Variants in ABI3BP observed in about 807,000 individuals in gnomAD.
ABI3BP encodes ABI family member 3 binding protein, also known as target of Nesh-SH3.
In ABI3BP, 216 loss-of-function variants were observed where a neutral mutation model predicts 268.6. That is an observed-to-expected ratio of 0.80 (90% confidence interval 0.72 to 0.90). The LOEUF (loss-of-function observed/expected upper bound fraction) is 0.90. ABI3BP is among the 40% of genes least tolerant of loss of function. ABI3BP has a pLI of 0.00. For missense variants in ABI3BP, 2,090 were observed against 2,182.4 expected (o/e 0.96, Z 0.84); for synonymous variants, 730 against 730.0 (o/e 1.00, Z 0.00).
chr3:100,785,736 C>T (rs1342376456), intron 57 of ABI3BP, among the ~76,000 whole-genome samples: 9 of 152,162 alleles, frequency 5.9e-5, no homozygotes, highest in Non-Finnish European at 1.2e-4. Context: ...CTTAACCACT[C>T]GGCCACAACT....
intron 1 of ABI3BP, among the ~76,000 whole-genome samples, chr3:100,968,577 G>A (rs186362191): frequency 1.3e-5 from 2 of 151,222 alleles, no homozygotes; most frequent in East Asian, 3.9e-4. Context: ...TCTGTATCTT[G>A]GTCTGTATCT....
intron 18 of ABI3BP, 82 bp from the exon 19 acceptor site, chr3:100,847,755 T>C: frequency 8.6e-7 from 1 of 1,161,422 alleles, no homozygotes; most frequent in South Asian, 1.3e-5. Flanking sequence ...AAATGATCCA[T>C]TTAAAATCCT....
intron 49 of ABI3BP, among the ~76,000 whole-genome samples, chr3:100,808,539 CCTT>C (rs2097771986): frequency 6.6e-6 from 1 of 151,918 alleles, no homozygotes; most frequent in Admixed American, 6.6e-5. Flanking sequence ...AAGAATTCAT[CCTT>C]ATTATAAGTT....
At position 100,768,331 on chromosome 3, in the gene ABI3BP, G is replaced by A. The variant is rs376054281; in HGVS notation, c.4742-2382C>T. ...TCTTGATCTCCTGACCTCGTAATCC[G>A]CCCACCTCAGCCTCCCAGAGTGCTG... is the stretch of plus-strand genomic sequence containing the variant. On this transcript the variant is annotated intron_variant, in intron 62 of 67. Coordinates refer to ENST00000471714, the MANE Select transcript of ABI3BP (RefSeq NM_001375547.2). Among the ~76,000 whole-genome samples the A allele has an allele frequency of 7.2e-5, 11 of 151,856 alleles. No homozygotes were observed. The South Asian group carries it at 1.7e-3, about 23-fold the overall frequency.
chr3:100,823,534 A>C lies in ABI3BP; in HGVS notation c.2747-20T>G, dbSNP rs777607977. On this transcript the variant is annotated intron_variant, in intron 36 of 67. Transcript: ENST00000471714. ...CAGGAACTGACCAAAACAACATGTA[A>C]ATCAAAGAGATTTTTAAACATATGA... is the stretch of plus-strand genomic sequence containing the variant. 5.3e-6 allele frequency: 8 copies of C among 1,519,326 alleles called. No individual in the cohort carries two copies. The South Asian group carries it at 7.4e-5, about 14-fold the overall frequency. 94.1% of individuals were successfully genotyped at this position (1,519,326 alleles called of 1,614,324 possible).
chr3:100,771,761 T>C (rs1014807810), intron 61 of ABI3BP, among the ~76,000 whole-genome samples: 2 of 152,134 alleles, frequency 1.3e-5, no homozygotes, highest in South Asian at 2.1e-4. Context: ...CACTGAGCTG[T>C]GTGGACCATT....
intron 9 of ABI3BP, 42 bp downstream of exon 9, chr3:100,874,799 C>G: frequency 8.4e-7 from 1 of 1,190,322 alleles, no homozygotes. Context: ...AGTGCTAGTA[C>G]TCAGTTACTG....
intron 2 of ABI3BP, among the ~76,000 whole-genome samples, chr3:100,915,189 G>T (rs1309721533): frequency 1.3e-5 from 2 of 152,188 alleles, no homozygotes; most frequent in East Asian, 1.9e-4. Flanking sequence ...GCAGTTCCAG[G>T]ATCAAGATCA....
At chr3:100,907,714 T>C (rs1221525644) in intron 2 of ABI3BP, among the ~76,000 whole-genome samples, 3 of 151,986 alleles carry the variant, frequency 2.0e-5, no homozygotes, top group Non-Finnish European at 2.9e-5. Flanking sequence ...TAAATATCGA[T>C]GCAAAAAAAC....
In ABI3BP at chr3:100,795,759, T is replaced by C. The variant is rs2097328300; in HGVS notation, c.3865+45A>G. 3.2e-6 allele frequency: 4 copies of C among 1,249,102 alleles called. No homozygotes were observed. In the African/African-American group the frequency reaches 4.7e-5, roughly 15 times the overall value. The allele number at this position is 1,249,102 out of a possible 1,614,324, so 77.4% of individuals were successfully genotyped here. On this transcript the variant is annotated intron_variant, in intron 53 of 67. Transcript: ENST00000471714. ...ATTTGAGAAAGGCCTGCAATCTTGATGGTAGCAAAGAAAACAGAGTTGGTC... is the reference window on the plus strand; with the variant it reads ...ATTTGAGAAAGGCCTGCAATCTTGACGGTAGCAAAGAAAACAGAGTTGGTC...
intron 1 of ABI3BP, among the ~76,000 whole-genome samples, chr3:100,941,124 A>T (rs1252934852): frequency 6.6e-6 from 1 of 151,642 alleles, no homozygotes; most frequent in Non-Finnish European, 1.5e-5. Context: ...GGGGCTTTTT[A>T]AAAAAATCAA....
At position 100,821,197 on chromosome 3, in the gene ABI3BP, A is replaced by G. The variant is rs1013530446; in HGVS notation, c.2888-84T>C. 8 of 1,119,764 alleles carry G rather than the reference A, an allele frequency of 7.1e-6. No homozygotes were observed. In the African/African-American group the frequency reaches 1.1e-4, roughly 15 times the overall value. 69.4% of individuals were successfully genotyped at this position (1,119,764 alleles called of 1,614,324 possible). A position where few individuals can be genotyped will look rare whatever the true frequency, so the allele number is the denominator to read the frequency against. ...CTTTTCTTCAAAAATGAGTCTTACTAGTATAATACAGCTTATAGAATTATA... is the reference window on the plus strand; with the variant it reads ...CTTTTCTTCAAAAATGAGTCTTACTGGTATAATACAGCTTATAGAATTATA... On this transcript the variant is annotated intron_variant, in intron 38 of 67. Transcript: ENST00000471714.
At chr3:100,862,745 G>A in intron 13 of ABI3BP, 93 bp downstream of exon 13, 1 of 869,372 alleles carries the variant, frequency 1.2e-6, no homozygotes, top group East Asian at 2.7e-5. Context: ...CAGTTCATGA[G>A]GTTTCCAGAA....
chr3:100,937,905 A>G (rs1418216624), intron 1 of ABI3BP, among the ~76,000 whole-genome samples: 1 of 152,122 alleles, frequency 6.6e-6, no homozygotes, highest in Admixed American at 6.6e-5. Context: ...CAAAAATCAT[A>G]GTATATGACA....
intron 61 of ABI3BP, 119 bp from the exon 62 acceptor site, chr3:100,771,071 G>A: frequency 2.3e-6 from 2 of 882,988 alleles, no homozygotes; most frequent in Middle Eastern, 5.2e-4. Context: ...ATGGTTGAAA[G>A]CCATGATGTG....
At chr3:100,861,269 C>A (rs1580907262) in intron 14 of ABI3BP, among the ~76,000 whole-genome samples, 1 of 152,260 alleles carries the variant, frequency 6.6e-6, no homozygotes, top group East Asian at 1.9e-4. Flanking sequence ...TTGCAGATAT[C>A]TGAGCCCATT....
chr3:100,840,678 CT>C (rs1187108506), intron 22 of ABI3BP, 141 bp downstream of exon 22: 8 of 670,774 alleles, frequency 1.2e-5, no homozygotes, highest in South Asian at 6.8e-5. Context: ...TAGGAATTAA[CT>C]TTTTTTTCTG....
At chr3:100,894,965 A>AAC (rs2046875627) in intron 4 of ABI3BP, among the ~76,000 whole-genome samples, 5 of 120,878 alleles carry the variant, frequency 4.1e-5, no homozygotes, top group South Asian at 5.5e-4. Context: ...AAAAAAAAAA[A>AAC]AACAGAAAAA....
chr3:100,926,300 A>T lies in ABI3BP; in HGVS notation c.259+2T>A. On this transcript the variant is annotated splice_donor_variant, in intron 2 of 67. Coordinates refer to ENST00000471714, the MANE Select transcript of ABI3BP (RefSeq NM_001375547.2). LOFTEE classifies it high-confidence loss of function. Reference sequence around the variant, plus strand: ...TCCCAGCCCGATACCCAAACACCTTACCAACTATAGCTTCTGTGAATTTCC... The same window carrying T: ...TCCCAGCCCGATACCCAAACACCTTTCCAACTATAGCTTCTGTGAATTTCC... 1 of 1,613,032 alleles carries T rather than the reference A, an allele frequency of 6.2e-7. No homozygotes were observed.
Sources: gnomAD v4.1 joint callset for allele counts (sites outside exome capture counted in the v4.1 genomes callset) on GRCh38, gnomAD v4.1.1 for gene constraint, MANE v1.5 for transcripts, NCBI Gene and HGNC (gene_info 2026-07-23, HGNC 2026-07-21) for gene names.